HUWE1: variants seen among roughly 807,000 people sequenced by gnomAD.
HUWE1 encodes E3 ubiquitin-protein ligase HUWE1.
A neutral mutation model predicts 299.4 loss-of-function variants in HUWE1; 18 were observed. The observed-to-expected ratio is 0.06, with a 90% CI of 0.04 to 0.09. The LOEUF (loss-of-function observed/expected upper bound fraction) is 0.09, where lower values mean the gene tolerates loss of function less well. Among genes scored for constraint, HUWE1 ranks in the 10% least tolerant of loss-of-function variants. HUWE1 has a pLI of 1.00. For synonymous variants in HUWE1, 1,317 were observed against 1,286.1 expected, an observed-to-expected ratio of 1.02 and a Z score of -0.51; for missense variants, 1,832 against 3,462.3, an observed-to-expected ratio of 0.53 and a Z score of 11.82.
chrX:53,668,198 C>T (rs1024298182), intron 3 of HUWE1, among the ~76,000 whole-genome samples: 2 of 110,439 alleles, frequency 1.8e-5, no homozygotes, highest in Non-Finnish European at 3.8e-5. Flanking sequence ...AATCCTAGCA[C>T]TTTGGGAGGC....
rs188435239 is a variant in HUWE1, at chrX:53,546,311, G to A, written c.10915+125C>T. ...TCTGTGTTACGACAGAGGGAGCATG[G>A]AGGCTGTGTTATAGGGATATGGAGG... On this transcript the variant is annotated intron_variant, in intron 70 of 83. Coordinates refer to ENST00000262854, the MANE Select transcript of HUWE1 (RefSeq NM_031407.7). The A allele has an allele frequency of 3.0e-4, 185 of 609,058 alleles. No homozygotes were observed. In the African/African-American group the frequency reaches 3.8e-3, roughly 13 times the overall value. The allele number at this position is 609,058 out of a possible 1,213,427, so 50.2% of individuals were successfully genotyped here.
chrX:53,640,972 G>A (rs1557030528), intron 7 of HUWE1, among the ~76,000 whole-genome samples: 1 of 111,692 alleles, frequency 9.0e-6, no homozygotes, highest in East Asian at 2.8e-4. Context: ...TGCTATTGTG[G>A]TCCTATACAA....
At chrX:53,585,783 C>T (rs1192561548) in intron 39 of HUWE1, among the ~76,000 whole-genome samples, 2 of 111,834 alleles carry the variant, frequency 1.8e-5, no homozygotes, top group Non-Finnish European at 3.8e-5. Context: ...GCCTCCCAGG[C>T]TCAAGTGATC....
At chrX:53,578,349 G>A (rs1556961703) in intron 43 of HUWE1, among the ~76,000 whole-genome samples, 1 of 104,971 alleles carries the variant, frequency 9.5e-6, no homozygotes, top group South Asian at 4.2e-4. Flanking sequence ...GTCTGGGAGG[G>A]AGGTGGGGGG....
intron 29 of HUWE1, among the ~76,000 whole-genome samples, chrX:53,596,353 G>C (rs1556984939): frequency 9.0e-6 from 1 of 111,575 alleles, no homozygotes; most frequent in Admixed American, 9.5e-5. Context: ...TTAACAAAAA[G>C]TTAGGTATGT....
intron 39 of HUWE1, 106 bp from the exon 40 acceptor site, chrX:53,585,294 T>C: frequency 2.6e-6 from 2 of 772,176 alleles, no homozygotes; most frequent in Non-Finnish European, 3.8e-6. Context: ...GAAAAAGAAA[T>C]ATACTGGACA....
intron 3 of HUWE1, among the ~76,000 whole-genome samples, chrX:53,664,435 C>G (rs1401097678): frequency 1.8e-5 from 2 of 111,764 alleles, no homozygotes; most frequent in African/African-American, 6.5e-5. Flanking sequence ...AAACAAATGC[C>G]TTAGATTAGC....
chrX:53,599,994 T>C (rs2064736933), intron 29 of HUWE1, 124 bp downstream of exon 29: 1 of 628,220 alleles, frequency 1.6e-6, no homozygotes, highest in Non-Finnish European at 2.6e-6. Context: ...CAAAGGACAC[T>C]TAAAAATGAG....
chrX:53,619,923 T>C (rs781899671), intron 19 of HUWE1, among the ~76,000 whole-genome samples: 138 of 112,277 alleles, frequency 1.2e-3, no homozygotes, highest in African/African-American at 4.1e-3. Context: ...ATATGTTCTT[T>C]GTGCCCTGTC....
chrX:53,569,779 G>T lies in HUWE1; in HGVS notation c.6361C>A (p.Gln2121Lys). ...FVLDHLLPHTQNAEDKDTPAL... is the reference protein window; with the variant it reads ...FVLDHLLPHTKNAEDKDTPAL... ...GGGGTGTCCTTGTCTTCTGCATTCT[G>T]GGTATGTGGGAGCAGGTGGTCCAGA... Residue 2121 changes from glutamine to lysine, a missense_variant, in exon 48 of 84, where the codon CAG becomes AAG. Gln to Lys is a moderately conservative substitution (Grantham distance 53). Transcript: ENST00000262854. 1 of 1,212,121 alleles carries T rather than the reference G, an allele frequency of 8.3e-7. No individual in the cohort carries two copies. The highest frequency in any genetic ancestry group is 1.1e-6 in the Non-Finnish European group (1 of 895,500).
intron 46 of HUWE1, among the ~76,000 whole-genome samples, chrX:53,574,922 AAT>A (rs782426015): frequency 8.9e-6 from 1 of 112,419 alleles, no homozygotes; most frequent in East Asian, 2.8e-4. Flanking sequence ...GTAAAACTAA[AAT>A]ATGTTACCAC....
intron 59 of HUWE1, 72 bp from the exon 60 acceptor site, chrX:53,557,499 C>T (rs1868652075): frequency 2.5e-6 from 2 of 815,013 alleles, no homozygotes; most frequent in African/African-American, 2.0e-5. Flanking sequence ...GTAATAGTCA[C>T]CATCCTCCAC....
chrX:53,591,366 G>C (rs1034330195), intron 33 of HUWE1, among the ~76,000 whole-genome samples: 16 of 111,066 alleles, frequency 1.4e-4, no homozygotes, highest in Non-Finnish European at 2.5e-4. Flanking sequence ...AGAAAGTTAG[G>C]GGGGGATGCA....
chrX:53,578,399 G>A (rs1569463520), intron 43 of HUWE1, among the ~76,000 whole-genome samples: 5 of 97,427 alleles, frequency 5.1e-5, no homozygotes. Context: ...CGTCCGGGAG[G>A]TGAGGGGCTC....
At chrX:53,601,372 T>C (rs1242063222) in intron 28 of HUWE1, among the ~76,000 whole-genome samples, 3 of 109,371 alleles carry the variant, frequency 2.7e-5, no homozygotes, top group African/African-American at 6.7e-5. Flanking sequence ...TTTGTAGAGA[T>C]AGAGTTTCGT....
intron 47 of HUWE1, 140 bp downstream of exon 47, chrX:53,573,610 G>T (rs943757231): frequency 5.6e-6 from 3 of 537,884 alleles, no homozygotes; most frequent in Non-Finnish European, 9.6e-6. Flanking sequence ...ACCCGGCCTT[G>T]CATGTCTGAA....
At chrX:53,553,069 T>C (rs1390343165) in intron 61 of HUWE1, among the ~76,000 whole-genome samples, 176 bp from the exon 62 acceptor site, 1 of 111,667 alleles carries the variant, frequency 9.0e-6, no homozygotes, top group African/African-American at 3.3e-5. Flanking sequence ...GCTGAAGCCC[T>C]TTCTATCAAT....
At chrX:53,632,360 T>A in intron 9 of HUWE1, 127 bp downstream of exon 9, 1 of 528,914 alleles carries the variant, frequency 1.9e-6, no homozygotes, top group Non-Finnish European at 3.4e-6. Context: ...CTAGGTATAT[T>A]TATAGTTTGC....
In HUWE1 at chrX:53,554,827, G is replaced by C; in HGVS notation, c.8300C>G (p.Ser2767Cys). 1 of 1,210,871 alleles carries C rather than the reference G, an allele frequency of 8.3e-7. No individual in the cohort carries two copies. Among genetic ancestry groups the C allele is most frequent in the African/African-American group, 1.7e-5 (1 of 57,763 alleles). The change falls in exon 61 of 84, where the codon TCC (serine) becomes TGC (cysteine). Residue 2767 changes from serine (S) to cysteine (C), a missense_variant. Transcript: ENST00000262854. ...TGGGAGTGTTGGTTGCTGTTGTGAG[G>C]ATTGCAGAGTGCCAAGGGTCTCCTT... is the stretch of plus-strand genomic sequence containing the variant. ...ESKETLGTLQ[S>C]SQQQPTLPTP...
Sources: allele counts gnomAD v4.1 joint callset (sites outside exome capture counted in the v4.1 genomes callset), GRCh38; gene constraint gnomAD v4.1.1; transcripts MANE v1.5; gene names NCBI Gene and HGNC (gene_info 2026-07-23, HGNC 2026-07-21).